The following BBS5 variants were observed in gnomAD, a reference collection of about 807,000 sequenced individuals.
The protein encoded by BBS5 is BBSome complex member BBS5.
Under a neutral mutation model 50.2 loss-of-function variants are expected in BBS5, and 39 were observed. The observed-to-expected ratio is 0.78, with a 90% CI of 0.60 to 1.01. BBS5 has a LOEUF of 1.01. Ranked by LOEUF, BBS5 falls within the 50% of genes least tolerant of loss-of-function variation. The pLI is 0.00. For missense variants in BBS5, 356 were observed against 401.5 expected (o/e 0.89, Z 0.97); for synonymous variants, 134 against 133.1 (o/e 1.01, Z -0.05).
chr2:169,499,566 C>G lies in BBS5; in HGVS notation c.762C>G (p.His254Gln). ...QESVKEINSL[H>Q]KVYSASPIFG... ...CAGTTAAGGAAATCAATTCACTTCA[C>G]AAAGTCTATTCTGCCAGTCCCATAT... Residue 254 changes from histidine (H) to glutamine (Q), a missense_variant, in exon 9 of 12, where the codon CAC (histidine) becomes CAG (glutamine). His to Gln is a conservative substitution (Grantham distance 24). Coordinates refer to ENST00000295240, the MANE Select transcript of BBS5 (RefSeq NM_152384.3). 6.2e-7 allele frequency: 1 copy of G among 1,613,616 alleles called. No individual in the cohort carries two copies. The highest frequency in any genetic ancestry group is 8.5e-7 in the Non-Finnish European group (1 of 1,179,628).
intron 5 of BBS5, among the ~76,000 whole-genome samples, chr2:169,492,197 A>AT (rs1683612650): frequency 1.3e-5 from 2 of 152,214 alleles, no homozygotes; most frequent in African/African-American, 4.8e-5. Flanking sequence ...TTCCATGTGT[A>AT]TTAAAAAATA....
Position 169,487,051 on chromosome 2 carries a change from T to C in BBS5, c.143-18T>C, listed in dbSNP as rs776894257. On this transcript the variant is annotated intron_variant, in intron 2 of 11. Coordinates refer to ENST00000295240, the MANE Select transcript of BBS5 (RefSeq NM_152384.3). ...GTTCTTATTTAAGTTAACCTATTTT[T>C]TGTCTGTGTGCTTTTAGGTAGACTC... is the stretch of plus-strand genomic sequence containing the variant. 1.3e-6 allele frequency: 2 copies of C among 1,590,240 alleles called. No homozygotes were observed. The highest frequency in any genetic ancestry group is 2.2e-5 in the South Asian group (2 of 90,590).
At chr2:169,484,125 A>G (rs1442968795) in intron 2 of BBS5, among the ~76,000 whole-genome samples, 2 of 152,234 alleles carry the variant, frequency 1.3e-5, no homozygotes, top group Non-Finnish European at 2.9e-5. Flanking sequence ...GCTCTTGCCT[A>G]TAATTCCAGT....
At chr2:169,496,652 A>G (rs1041551469) in intron 7 of BBS5, among the ~76,000 whole-genome samples, 6 of 151,558 alleles carry the variant, frequency 4.0e-5, no homozygotes, top group East Asian at 2.0e-4. Context: ...GGCGGATCAC[A>G]AGGTCAGGAG....
In BBS5 at chr2:169,504,880, C is replaced by A; in HGVS notation, c.*298C>A. On this transcript the variant is annotated 3_prime_UTR_variant, in exon 12 of 12. Transcript: ENST00000295240. ...GGGCGCTCCTACAGCAGTGCCTGCA[C>A]GCCCGGCTGCAAATTCGCCCAGCCA... is the stretch of plus-strand genomic sequence containing the variant. 1.2e-6 allele frequency: 2 copies of A among 1,613,338 alleles called. No homozygotes were observed. The highest frequency in any genetic ancestry group is 8.5e-7 in the Non-Finnish European group (1 of 1,179,750).
At chr2:169,485,012 G>T (rs975278688) in intron 2 of BBS5, among the ~76,000 whole-genome samples, 1 of 152,146 alleles carries the variant, frequency 6.6e-6, no homozygotes, top group Admixed American at 6.6e-5. Context: ...GATTGTAGGA[G>T]ATATACCAAG....
At chr2:169,497,740 A>AGT in intron 8 of BBS5, 51 bp downstream of exon 8, 1 of 1,262,948 alleles carries the variant, frequency 7.9e-7, no homozygotes, top group Non-Finnish European at 1.1e-6. Flanking sequence ...ACTATGTGAC[A>AGT]GTCTAGATTT....
At position 169,487,147 on chromosome 2, in the gene BBS5, G is replaced by T. The variant is rs1483417056; in HGVS notation, c.208+13G>T. On this transcript the variant is annotated intron_variant, in intron 3 of 11. Transcript: ENST00000295240. ...AGAGTCAATGTTTGTAAGTATCTTT[G>T]TTAGATAAGTCTGAAGAAAAAAAAT... 5.0e-6 allele frequency: 8 copies of T among 1,589,618 alleles called. No homozygotes were observed. The highest frequency in any genetic ancestry group is 6.9e-6 in the Non-Finnish European group (8 of 1,158,478).
rs770488869 is a variant in BBS5 at position 169,497,633 on chromosome 2, A to G, written c.625A>G (p.Ile209Val). The G allele has an allele frequency of 1.9e-6, 3 of 1,586,030 alleles. No homozygotes were observed. In the South Asian group the frequency reaches 3.3e-5, roughly 18 times the overall value. Residue 209 changes from isoleucine to valine, a missense_variant, in exon 8 of 12, where the codon ATA becomes GTA. Physicochemically the swap from Ile to Val is conservative, Grantham distance 29 (BLOSUM62 3). Coordinates refer to ENST00000295240, the MANE Select transcript of BBS5 (RefSeq NM_152384.3). Reference protein sequence around the residue: ...VSIPYLQIRSIKIRDSKFGLA... With the variant: ...VSIPYLQIRSVKIRDSKFGLA... ...TTTTTCATTTTGTATCTAGCGTTCA[A>G]TAAAGATTAGAGATTCAAAATTTGG... is the stretch of plus-strand genomic sequence containing the variant.
intron 9 of BBS5, among the ~76,000 whole-genome samples, chr2:169,501,508 C>T (rs191059397): frequency 2.8e-4 from 43 of 152,194 alleles, no homozygotes; most frequent in Admixed American, 7.8e-4. Context: ...GGGAGAATCA[C>T]GTGAGGCCAG....
intron 6 of BBS5, 72 bp from the exon 7 acceptor site, chr2:169,493,669 C>A: frequency 9.6e-7 from 1 of 1,046,794 alleles, no homozygotes; most frequent in Non-Finnish European, 1.5e-6. Context: ...ATAAGTTATT[C>A]TGGTGATTAG....
chr2:169,482,431 T>C (rs1683414303), intron 2 of BBS5, 98 bp downstream of exon 2: 2 of 867,242 alleles, frequency 2.3e-6, no homozygotes, highest in South Asian at 1.3e-5. Context: ...CATTTGTCAG[T>C]GTAATTGTGA....
chr2:169,495,982 G>A (rs1339741561), intron 7 of BBS5, among the ~76,000 whole-genome samples: 1 of 152,184 alleles, frequency 6.6e-6, no homozygotes, highest in African/African-American at 2.4e-5. Flanking sequence ...ATATACTCTT[G>A]ATGGGGTGTA....
intron 2 of BBS5, 112 bp from the exon 3 acceptor site, chr2:169,486,957 T>TAG: frequency 1.0e-5 from 8 of 775,384 alleles, no homozygotes. Context: ...ATATGAAAAA[T>TAG]ATCTGAGTGT....
chr2:169,503,926 T>C (rs1420848174), intron 10 of BBS5, among the ~76,000 whole-genome samples: 1 of 152,220 alleles, frequency 6.6e-6, no homozygotes, highest in Non-Finnish European at 1.5e-5. Context: ...TTTGCCAGTA[T>C]CATCTTCTAA....
intron 1 of BBS5, 80 bp downstream of exon 1, chr2:169,479,692 C>G (rs1351232081): frequency 1.4e-6 from 2 of 1,477,390 alleles, no homozygotes; most frequent in African/African-American, 2.8e-5. Context: ...CGGGCGGAGA[C>G]TGCACCTCCG....
Position 169,481,621 on chromosome 2 carries a change from A to G in BBS5, c.60-630A>G, listed in dbSNP as rs567416694. On this transcript the variant is annotated intron_variant, in intron 1 of 11. Coordinates refer to ENST00000295240, the MANE Select transcript of BBS5 (RefSeq NM_152384.3). ...AGAAGGCTCTTTTAGATATTTTGCT[A>G]GGTTTTTTTTTTTGGACACTGTAGA... 7.0e-3 allele frequency among the ~76,000 whole-genome samples: 558 copies of G among 80,226 alleles called. 2 individuals are homozygous for G. The highest frequency in any genetic ancestry group is 0.032 in the South Asian group (61 of 1,882). 52.6% of individuals were successfully genotyped at this position (80,226 alleles called of 152,430 possible).
intron 9 of BBS5, 85 bp from the exon 10 acceptor site, chr2:169,503,010 G>A: frequency 2.0e-6 from 2 of 980,070 alleles, no homozygotes; most frequent in South Asian, 1.4e-5. Flanking sequence ...TTAGTAGTTT[G>A]TAATTGTTAT....
At chr2:169,487,729 A>G in intron 3 of BBS5, 77 bp from the exon 4 acceptor site, 1 of 1,050,748 alleles carries the variant, frequency 9.5e-7, no homozygotes. Flanking sequence ...AGTTCTGTGT[A>G]TACTTTTTTT....
Sources: gnomAD v4.1 joint callset for allele counts (sites outside exome capture counted in the v4.1 genomes callset) on GRCh38, gnomAD v4.1.1 for gene constraint, MANE v1.5 for transcripts, NCBI Gene and HGNC (gene_info 2026-07-23, HGNC 2026-07-21) for gene names.